Variants in ZC3H3 observed in about 807,000 individuals in gnomAD.
ZC3H3 encodes the protein zinc finger CCCH-type containing 3.
Under a neutral mutation model 77.3 loss-of-function variants are expected in ZC3H3, and 36 were observed. The ratio of observed to expected loss-of-function variants is 0.47; its 90% confidence interval spans 0.36 to 0.61. The LOEUF (loss-of-function observed/expected upper bound fraction) is 0.61. ZC3H3 is among the 20% of genes least tolerant of loss of function. ZC3H3 has a pLI of 0.00. For synonymous variants in ZC3H3, 626 were observed against 555.2 expected (o/e 1.13, Z -1.79); for missense variants, 1,331 against 1,312.2 (o/e 1.01, Z -0.22).
At position 143,438,061 on chromosome 8, in the gene ZC3H3, G is replaced by A. The variant is rs149968226; in HGVS notation, c.2842C>T (p.Leu948=). Residue 948 remains leucine (L), a synonymous_variant, in exon 12 of 12, where the codon CTG becomes TTG. Transcript: ENST00000262577. ...SGKPLHIKPR[L] The stretch of plus-strand genomic sequence containing the variant: ...CAGGCCGGTCCCTGGGGTCCTCACA[G>A]ACGTGGTTTGATGTGCAGAGGCTTC... 357 of 1,611,282 alleles carry A rather than the reference G, an allele frequency of 2.2e-4. No individual in the cohort carries two copies. The highest frequency in any genetic ancestry group is 2.8e-4 in the Non-Finnish European group (335 of 1,178,972).
chr8:143,451,861 G>A (rs1318226108), intron 9 of ZC3H3, among the ~76,000 whole-genome samples: 1 of 151,878 alleles, frequency 6.6e-6, no homozygotes, highest in Non-Finnish European at 1.5e-5. Context: ...CAGACCCAAA[G>A]TACCAACCTA....
At chr8:143,492,777 G>C (rs424070) in intron 4 of ZC3H3, among the ~76,000 whole-genome samples, 3,025 of 80,190 alleles carry the variant, frequency 0.038, 35 homozygotes, top group East Asian at 0.1. Context: ...CCTCCTCAGG[G>C]TCCCGTGTCC....
At chr8:143,443,540 T>G (rs1260469873) in intron 9 of ZC3H3, among the ~76,000 whole-genome samples, 8 of 152,218 alleles carry the variant, frequency 5.3e-5, no homozygotes, top group African/African-American at 1.9e-4. Flanking sequence ...TAAAGGAAAA[T>G]ACATAGCCTT....
chr8:143,443,284 CAAA>C (rs34765299), intron 9 of ZC3H3, among the ~76,000 whole-genome samples: 1 of 61,960 alleles, frequency 1.6e-5, no homozygotes, highest in Admixed American at 2.0e-4. Context: ...GACCCTGTCT[CAAA>C]AAAAAAAAAA....
At position 143,479,142 on chromosome 8, in the gene ZC3H3, G is replaced by A. The variant is rs531737324; in HGVS notation, c.1716-3557C>T. 4.7e-3 allele frequency among the ~76,000 whole-genome samples: 715 copies of A among 152,328 alleles called. 6 individuals carry two copies. The highest frequency in any genetic ancestry group is 0.016 in the African/African-American group (653 of 41,580). ...TGGGAAGATGCTGTGGCAGAACGTCGGGCCTGTGCAGGTTGGCGGGGGTGA... is the reference window on the plus strand; with the variant it reads ...TGGGAAGATGCTGTGGCAGAACGTCAGGCCTGTGCAGGTTGGCGGGGGTGA... On this transcript the variant is annotated intron_variant, in intron 4 of 11. Coordinates refer to ENST00000262577, the MANE Select transcript of ZC3H3 (RefSeq NM_015117.3).
chr8:143,438,158 G>A, intron 11 of ZC3H3, 71 bp from the exon 12 acceptor site: 1 of 1,558,834 alleles, frequency 6.4e-7, no homozygotes, highest in Non-Finnish European at 8.7e-7. Flanking sequence ...CAAAGCTCCT[G>A]ATCGGGCTCA....
intron 9 of ZC3H3, among the ~76,000 whole-genome samples, chr8:143,447,335 T>C (rs1819885135): frequency 6.6e-6 from 1 of 152,236 alleles, no homozygotes; most frequent in Non-Finnish European, 1.5e-5. Context: ...ACCAGCCACC[T>C]TGGAGGACGT....
chr8:143,503,336 T>A (rs2130407177), intron 4 of ZC3H3, among the ~76,000 whole-genome samples: 1 of 152,184 alleles, frequency 6.6e-6, no homozygotes, highest in South Asian at 2.1e-4. Flanking sequence ...ACATGATGTC[T>A]GGCGTGTGCC....
intron 9 of ZC3H3, among the ~76,000 whole-genome samples, chr8:143,458,077 C>T (rs1820167101): frequency 6.6e-6 from 1 of 152,070 alleles, no homozygotes; most frequent in Non-Finnish European, 1.5e-5. Context: ...AATAAATTGA[C>T]AAACCTCTAG....
intron 4 of ZC3H3, among the ~76,000 whole-genome samples, chr8:143,495,762 CT>C (rs77825264): frequency 0.029 from 3,974 of 139,384 alleles, 146 homozygotes; most frequent in African/African-American, 0.089. Flanking sequence ...TCTTTTCTTT[CT>C]TTTTTTTTTT....
In ZC3H3 at chr8:143,440,155, C is replaced by T; in HGVS notation, c.2701G>A (p.Ala901Thr). ...AGCTTGCAGAGCCTGTTGGAGCACG[C>T]TGCTGCTAAGGCAGCCTCCTGGAGA... The part of the protein sequence containing the change: ...PSLQEAALAA[A>T]CSNRLCKLPS... The change falls in exon 11 of 12, where the codon GCG (alanine) becomes ACG (threonine). Residue 901 changes from alanine to threonine, a missense_variant. Ala to Thr is a moderately conservative substitution (Grantham distance 58). Around this residue, in one of 3 missense-constraint regions of ZC3H3, gnomAD observed 249 missense variants for 236.9 expected, o/e 1.05. Coordinates refer to ENST00000262577, the MANE Select transcript of ZC3H3 (RefSeq NM_015117.3). 3 of 1,612,056 alleles carry T rather than the reference C, an allele frequency of 1.9e-6. No individual in the cohort carries two copies. Among genetic ancestry groups the T allele is most frequent in the Non-Finnish European group, 2.5e-6 (3 of 1,179,734 alleles).
chr8:143,446,076 G>A (rs1819856506), intron 9 of ZC3H3, among the ~76,000 whole-genome samples: 3 of 152,132 alleles, frequency 2.0e-5, no homozygotes, highest in Non-Finnish European at 4.4e-5. Flanking sequence ...CAGGAGGGAG[G>A]GCTGCACCGC....
intron 3 of ZC3H3, among the ~76,000 whole-genome samples, chr8:143,517,772 C>T (rs2130454132): frequency 6.6e-6 from 1 of 152,312 alleles, no homozygotes; most frequent in East Asian, 1.9e-4. Flanking sequence ...GCCTCTTCAC[C>T]TTGTCTCTGC....
intron 9 of ZC3H3, among the ~76,000 whole-genome samples, chr8:143,454,356 G>T (rs983144344): frequency 6.6e-6 from 1 of 151,246 alleles, no homozygotes; most frequent in African/African-American, 2.4e-5. Flanking sequence ...CTTCCAAAGT[G>T]CTGGGATTAT....
Position 143,541,408 on chromosome 8 carries a change from T to C in ZC3H3, c.14A>G (p.Glu5Gly). Residue 5 changes from glutamate to glycine, a missense_variant, in exon 1 of 12, where the codon GAG (glutamate) becomes GGG (glycine). Physicochemically the swap from Glu to Gly is moderately conservative, Grantham distance 98. Around this residue, in one of 3 missense-constraint regions of ZC3H3, gnomAD observed 978 missense variants for 915.5 expected, o/e 1.07. Transcript: ENST00000262577. MEEK[E>G]ILRRQIRLLQ... ...TAGGCGGATCTGCCGCCGTAATATC[T>C]CCTTTTCCTCCATCTCCCGAGTCCG... The C allele has an allele frequency of 6.2e-7, 1 of 1,611,814 alleles. No individual in the cohort carries two copies. Among genetic ancestry groups the C allele is most frequent in the Non-Finnish European group, 8.5e-7 (1 of 1,179,396 alleles).
intron 3 of ZC3H3, among the ~76,000 whole-genome samples, 172 bp from the exon 4 acceptor site, chr8:143,508,071 G>T (rs748815313): frequency 2.6e-5 from 4 of 152,244 alleles, no homozygotes; most frequent in Non-Finnish European, 5.9e-5. Flanking sequence ...TCCCCAGGGC[G>T]CCTGGCAGCC....
Position 143,493,379 on chromosome 8 carries a change from C to T in ZC3H3, c.1715+14367G>A, listed in dbSNP as rs1821259915. Among the ~76,000 whole-genome samples the T allele has an allele frequency of 6.6e-6, 1 of 152,214 alleles. No homozygotes were observed. ...GGACATCCCAGCCTCGGTGTGGATG[C>T]GGGCTAGCTCAGGCCCTGGCAAGAC... On this transcript the variant is annotated intron_variant, in intron 4 of 11. Transcript: ENST00000262577. The surrounding 1 kb of genome is among the most constrained non-coding windows in gnomAD (Gnocchi z 4.8).
chr8:143,492,070 G>A (rs775107387), intron 4 of ZC3H3, among the ~76,000 whole-genome samples: 2 of 152,198 alleles, frequency 1.3e-5, no homozygotes, highest in Non-Finnish European at 1.5e-5. Flanking sequence ...ACAGAGAGCC[G>A]GACACATGCG....
intron 3 of ZC3H3, among the ~76,000 whole-genome samples, chr8:143,508,831 CCT>C (rs1374721574): frequency 1.3e-5 from 2 of 152,146 alleles, no homozygotes; most frequent in Non-Finnish European, 2.9e-5. Context: ...GCCCGGGACC[CCT>C]GACTGCCCAG....
Sources: allele counts gnomAD v4.1 joint callset (sites outside exome capture counted in the v4.1 genomes callset), GRCh38; gene constraint gnomAD v4.1.1; regional missense constraint gnomAD v4.1.1; non-coding constraint Gnocchi (gnomAD v3.1); transcripts MANE v1.5; gene names NCBI Gene and HGNC (gene_info 2026-07-23, HGNC 2026-07-21).